The following AGPAT2 variants were observed in gnomAD, a reference collection of about 807,000 sequenced individuals.
The protein encoded by AGPAT2 is 1-acylglycerol-3-phosphate O-acyltransferase 2, also known as 1-acyl-sn-glycerol-3-phosphate acyltransferase beta.
A neutral mutation model predicts 26.1 loss-of-function variants in AGPAT2; 18 were observed. That is an observed-to-expected ratio of 0.69 (90% CI 0.48 to 1.02). The LOEUF (loss-of-function observed/expected upper bound fraction) is 1.02, where lower values mean the gene tolerates loss of function less well. Among genes scored for constraint, AGPAT2 ranks in the 50% least tolerant of loss-of-function variants. AGPAT2 has a pLI of 0.00. For missense variants in AGPAT2, 415 were observed against 394.9 expected, an observed-to-expected ratio of 1.05 and a Z score of -0.43; for synonymous variants, 200 against 174.2, an observed-to-expected ratio of 1.15 and a Z score of -1.16.
chr9:136,674,661 G>A lies in AGPAT2; in HGVS notation c.661+74C>T, dbSNP rs1384889935. On this transcript the variant is annotated intron_variant, in intron 5 of 5. Coordinates refer to ENST00000371696, the MANE Select transcript of AGPAT2 (RefSeq NM_006412.4). ...ACGGGTGCCACCCGGAAATGGGAAC[G>A]ATGAGGGGCCCGGGGCTCCGTGACT... 4.2e-6 allele frequency: 5 copies of A among 1,183,894 alleles called. No individual in the cohort carries two copies. The East Asian group carries it at 8.8e-5, about 21-fold the overall frequency. 73.3% of individuals were successfully genotyped at this position (1,183,894 alleles called of 1,614,324 possible).
At chr9:136,686,507 A>G (rs573482698) in intron 1 of AGPAT2, among the ~76,000 whole-genome samples, 114 of 152,260 alleles carry the variant, frequency 7.5e-4, no homozygotes, top group African/African-American at 2.7e-3. Context: ...TCCAGGGGAA[A>G]ATTTCAGCCC....
chr9:136,675,216 C>G (rs967914680), intron 4 of AGPAT2, among the ~76,000 whole-genome samples: 2 of 152,094 alleles, frequency 1.3e-5, no homozygotes, highest in Non-Finnish European at 2.9e-5. Flanking sequence ...CAGCCCTAGC[C>G]CGGGGGAGGG....
At chr9:136,686,450 C>T (rs1846222088) in intron 1 of AGPAT2, among the ~76,000 whole-genome samples, 3 of 152,238 alleles carry the variant, frequency 2.0e-5, no homozygotes, top group Admixed American at 2.0e-4. Context: ...GACCTCTGGC[C>T]CCCAACCCCA....
At chr9:136,684,347 G>A (rs1846196092) in intron 1 of AGPAT2, among the ~76,000 whole-genome samples, 1 of 152,188 alleles carries the variant, frequency 6.6e-6, no homozygotes, top group Non-Finnish European at 1.5e-5. Flanking sequence ...GGCCCCTGGT[G>A]AGGAAACGTC....
Position 136,676,691 on chromosome 9 carries a change from A to G in AGPAT2, c.493-11T>C. 6.2e-7 allele frequency: 1 copy of G among 1,612,482 alleles called. No individual in the cohort carries two copies. The highest frequency in any genetic ancestry group is 8.5e-7 in the Non-Finnish European group (1 of 1,179,152). On this transcript the variant is annotated splice_polypyrimidine_tract_variant and intron_variant, in intron 3 of 5. Coordinates refer to ENST00000371696, the MANE Select transcript of AGPAT2 (RefSeq NM_006412.4). The stretch of plus-strand genomic sequence containing the variant: ...GATCCACACTTTGAGCTGCAGGGAG[A>G]GGAGAGCCTGGACTGACCTCACGCC...
At chr9:136,676,523 A>T in intron 4 of AGPAT2, 62 bp downstream of exon 4, 5 of 1,405,770 alleles carry the variant, frequency 3.6e-6, no homozygotes, top group Non-Finnish European at 5.0e-6. Flanking sequence ...CTGCTGCCTT[A>T]AGCCAGCCTG....
At chr9:136,680,808 T>A (rs937670768) in intron 1 of AGPAT2, among the ~76,000 whole-genome samples, 37 of 151,590 alleles carry the variant, frequency 2.4e-4, no homozygotes, top group African/African-American at 8.0e-4. Flanking sequence ...TTGGGACTAC[T>A]GGTGTGCGCC....
intron 2 of AGPAT2, 23 bp from the exon 3 acceptor site, chr9:136,677,159 CAGAG>C (rs1354534146): frequency 3.7e-6 from 6 of 1,611,946 alleles, no homozygotes; most frequent in East Asian, 4.5e-5. Context: ...GAGACAGAGA[CAGAG>C]AGAGAGGGGG....
In AGPAT2 at chr9:136,673,821, G is replaced by T. The variant is rs764643486; in HGVS notation, c.768C>A (p.Phe256Leu). Reference sequence around the variant, plus strand: ...CCTGGGGGGTCTTGGAGATGTGGAGGAAGGTGGTCCTCATGGCCCGGTGGC... The same window carrying T: ...CCTGGGGGGTCTTGGAGATGTGGAGTAAGGTGGTCCTCATGGCCCGGTGGC... ...DTCHRAMRTT[F>L]LHISKTPQEN... The change falls in exon 6 of 6, where the codon TTC becomes TTA. Residue 256 changes from phenylalanine (F) to leucine (L), a missense_variant. Phe to Leu is a conservative substitution (Grantham distance 22). Transcript: ENST00000371696. 44 of 1,606,944 alleles carry T rather than the reference G, an allele frequency of 2.7e-5. No homozygotes were observed. The highest frequency in any genetic ancestry group is 2.2e-4 in the Middle Eastern group (1 of 4,544).
At chr9:136,686,084 G>C (rs139899997) in intron 1 of AGPAT2, among the ~76,000 whole-genome samples, 113 of 152,290 alleles carry the variant, frequency 7.4e-4, no homozygotes, top group African/African-American at 2.7e-3. Context: ...TCACCATCAG[G>C]CCCAGGGTCC....
In AGPAT2 at chr9:136,687,315, G is replaced by GCAGCAA. The variant is rs1395758594; in HGVS notation, c.37_42dup (p.Leu16_Leu17dup). 11 of 1,572,382 alleles carry GCAGCAA rather than the reference G, an allele frequency of 7.0e-6. No homozygotes were observed. The highest frequency in any genetic ancestry group is 8.6e-6 in the Non-Finnish European group (10 of 1,165,614). On this transcript the variant is annotated inframe_insertion, in exon 1 of 6. Transcript: ENST00000371696. The stretch of plus-strand genomic sequence containing the variant: ...GCGCGGCTCAGCTGCACCAGCAGCA[G>GCAGCAA]CAGCAACAGCAGCGCCGCGGCCAGA...
intron 1 of AGPAT2, among the ~76,000 whole-genome samples, chr9:136,685,491 G>A (rs1032300768): frequency 2.6e-5 from 4 of 152,324 alleles, no homozygotes; most frequent in East Asian, 1.9e-4. Context: ...TTTCTCACAC[G>A]AGGAGGCCGC....
intron 1 of AGPAT2, among the ~76,000 whole-genome samples, chr9:136,682,589 T>C (rs1846174302): frequency 6.6e-6 from 1 of 152,210 alleles, no homozygotes. Flanking sequence ...GGCGGGTGAC[T>C]TGTGCCAGCT....
In AGPAT2 at chr9:136,687,399, C is replaced by T; in HGVS notation, c.-42G>A. 1 of 1,395,054 alleles carries T rather than the reference C, an allele frequency of 7.2e-7. No individual in the cohort carries two copies. The highest frequency in any genetic ancestry group is 1.6e-5 in the South Asian group (1 of 64,220). The allele number at this position is 1,395,054 out of a possible 1,614,324, so 86.4% of individuals were successfully genotyped here. A position where few individuals can be genotyped will look rare whatever the true frequency, so the allele number is the denominator to read the frequency against. ...CGACGGCGCCGCCAGCTCGCTCCCG[C>T]TCCCGCTCCCGCTTCTCCCCCGCGC... On this transcript the variant is annotated 5_prime_UTR_variant, in exon 1 of 6. Transcript: ENST00000371696.
In AGPAT2 at chr9:136,687,161, G is replaced by A. The variant is rs375266539; in HGVS notation, c.182+15C>T. ...CGGCGGTTCCCCGGCCCCTCCCGGCGGCCCCCGGCCTTGCCTCATGTTCTC... is the reference window on the plus strand; with the variant it reads ...CGGCGGTTCCCCGGCCCCTCCCGGCAGCCCCCGGCCTTGCCTCATGTTCTC... On this transcript the variant is annotated intron_variant, in intron 1 of 5. Transcript: ENST00000371696. The A allele has an allele frequency of 3.2e-5, 50 of 1,578,064 alleles. No individual in the cohort carries two copies. In the African/African-American group the frequency reaches 5.7e-4, roughly 18 times the overall value.
rs745505332 is a variant in AGPAT2, at chr9:136,676,624, A to G, written c.549T>C (p.Pro183=). The G allele has an allele frequency of 1.2e-6, 2 of 1,613,524 alleles. No homozygotes were observed. Among genetic ancestry groups the G allele is most frequent in the South Asian group, 2.2e-5 (2 of 91,082 alleles). ...CCAGGTAGAAGGCGCCCTTCTTAAA[A>G]GGCAGCAGGTCCCCATTGTCGTTGC... ...GTRNDNGDLL[P]FKKGAFYLAV... is the part of the protein sequence containing the mutation. The change falls in exon 4 of 6, where the codon CCT becomes CCC. Residue 183 remains proline (P), a synonymous_variant. Transcript: ENST00000371696.
chr9:136,687,235 G>A lies in AGPAT2; in HGVS notation c.123C>T (p.Ser41=). ...GCAGGCAGACGAGCGAGGCCACGGC[G>A]GACACCGTGAAGCACAGCGCGCAGT... ...ALYCALCFTV[S]AVASLVCLLR... is the part of the protein sequence containing the mutation. Residue 41 remains serine, a synonymous_variant, in exon 1 of 6, where the codon TCC becomes TCT. Transcript: ENST00000371696. 6.3e-7 allele frequency: 1 copy of A among 1,594,752 alleles called. No individual in the cohort carries two copies. The highest frequency in any genetic ancestry group is 8.5e-7 in the Non-Finnish European group (1 of 1,174,478).
At chr9:136,674,459 C>T (rs1846062726) in intron 5 of AGPAT2, among the ~76,000 whole-genome samples, 2 of 152,230 alleles carry the variant, frequency 1.3e-5, no homozygotes, top group South Asian at 4.1e-4. Flanking sequence ...CTCCAGGCCC[C>T]CAAGCTGTGT....
rs1325313283 is a variant in AGPAT2 at position 136,677,333 on chromosome 9, G to A, written c.316+90C>T. 1.9e-6 allele frequency: 3 copies of A among 1,595,960 alleles called. No homozygotes were observed. The African/African-American group carries it at 4.0e-5, about 21-fold the overall frequency. ...AGCTCGCCCAGGCACAGGCAGCCCT[G>A]TGTCCTCGTCCCCGGGACCCAGCCC... On this transcript the variant is annotated intron_variant, in intron 2 of 5. Coordinates refer to ENST00000371696, the MANE Select transcript of AGPAT2 (RefSeq NM_006412.4).
Sources: gnomAD v4.1 joint callset for allele counts (sites outside exome capture counted in the v4.1 genomes callset) on GRCh38, gnomAD v4.1.1 for gene constraint, MANE v1.5 for transcripts, NCBI Gene and HGNC (gene_info 2026-07-23, HGNC 2026-07-21) for gene names.